The following SYNJ2 variants were observed in gnomAD, a reference collection of about 807,000 sequenced individuals.
SYNJ2 encodes the protein synaptojanin 2.
SYNJ2 carries 116 observed loss-of-function variants against 141.3 expected under a neutral mutation model. The observed-to-expected ratio is 0.82, with a 90% CI of 0.71 to 0.96. The LOEUF (loss-of-function observed/expected upper bound fraction) is 0.96, where lower values mean the gene tolerates loss of function less well. SYNJ2 is among the 40% of genes least tolerant of loss of function. The pLI, the probability that SYNJ2 is intolerant of heterozygous loss-of-function variation, is 0.00. For synonymous variants in SYNJ2, 745 were observed against 777.7 expected (o/e 0.96, Z 0.70); for missense variants, 1,873 against 1,934.8 (o/e 0.97, Z 0.60).
At chr6:158,064,784 C>T (rs2128366660) in intron 10 of SYNJ2, 34 bp downstream of exon 10, 2 of 1,611,476 alleles carry the variant, frequency 1.2e-6, no homozygotes, top group East Asian at 4.5e-5. Flanking sequence ...GGTGGGGGCC[C>T]CAGGGACCCC....
chr6:158,076,228 G>A (rs1364265480), intron 16 of SYNJ2, among the ~76,000 whole-genome samples: 1 of 152,102 alleles, frequency 6.6e-6, no homozygotes, highest in Non-Finnish European at 1.5e-5. Context: ...GCGCTTCTAT[G>A]TACTTAGCTC....
At chr6:158,083,282 C>T (rs1035902478) in intron 20 of SYNJ2, 147 bp from the exon 21 acceptor site, 14 of 901,424 alleles carry the variant, frequency 1.6e-5, no homozygotes, top group Non-Finnish European at 2.3e-5. Context: ...GCTGAGCCTG[C>T]GTGAGGTCTG....
intron 2 of SYNJ2, chr6:158,028,549 G>A: frequency 1.6e-6 from 1 of 632,846 alleles, no homozygotes; most frequent in Non-Finnish European, 2.7e-6. Flanking sequence ...GCTGGCCAGG[G>A]TCCCACACTT....
In SYNJ2 at chr6:158,078,221, C is replaced by G; in HGVS notation, c.2507C>G (p.Thr836Ser). The G allele has an allele frequency of 6.2e-7, 1 of 1,614,110 alleles. No homozygotes were observed. The highest frequency in any genetic ancestry group is 8.5e-7 in the Non-Finnish European group (1 of 1,180,000). Residue 836 changes from threonine (T) to serine (S), a missense_variant, in exon 18 of 27, where the codon ACC becomes AGC. Coordinates refer to ENST00000355585, the MANE Select transcript of SYNJ2 (RefSeq NM_003898.4). Reference sequence around the variant, plus strand: ...GATGTTGACACCAAAGTCAGACACACCTGGTCTCCTGGTGCCCTGCAGTAT... The same window carrying G: ...GATGTTGACACCAAAGTCAGACACAGCTGGTCTCCTGGTGCCCTGCAGTAT... ...DLDVDTKVRH[T>S]WSPGALQYYG...
intron 23 of SYNJ2, among the ~76,000 whole-genome samples, chr6:158,087,875 C>CTT (rs749329722): frequency 0.13 from 12,686 of 94,266 alleles, 1,012 homozygotes; most frequent in African/African-American, 0.21. Flanking sequence ...CAACATACTT[C>CTT]TTTTTTTTTT....
chr6:158,084,319 G>A lies in SYNJ2; in HGVS notation c.3208+145G>A. 1.1e-6 allele frequency: 1 copy of A among 869,670 alleles called. No homozygotes were observed. The highest frequency in any genetic ancestry group is 1.7e-6 in the Non-Finnish European group (1 of 574,222). 53.9% of individuals were successfully genotyped at this position (869,670 alleles called of 1,614,324 possible). The stretch of plus-strand genomic sequence containing the variant: ...CCTCAACCAGGCAGGCCAAGCGAGG[G>A]GTAGGGACTGAGCCCTGTGGAGGTA... On this transcript the variant is annotated intron_variant, in intron 22 of 26. Coordinates refer to ENST00000355585, the MANE Select transcript of SYNJ2 (RefSeq NM_003898.4). The surrounding 1 kb of genome is among the most constrained non-coding windows in gnomAD (Gnocchi z 5.0).
At chr6:158,063,623 C>T (rs1398543826) in intron 8 of SYNJ2, among the ~76,000 whole-genome samples, 168 bp from the exon 9 acceptor site, 1 of 132,444 alleles carries the variant, frequency 7.6e-6, no homozygotes, top group Non-Finnish European at 1.5e-5. Flanking sequence ...CATGCCATTG[C>T]ACTCCAGCTT....
Position 158,028,899 on chromosome 6 carries a change from T to A in SYNJ2, c.358T>A (p.Leu120Met). The A allele has an allele frequency of 6.2e-7, 1 of 1,614,184 alleles. No homozygotes were observed. The change falls in exon 3 of 27, where the codon TTG becomes ATG. Residue 120 changes from leucine to methionine, a missense_variant. Transcript: ENST00000355585. Reference sequence around the variant, plus strand: ...CAAGGAGGAGGAACGCCTCATAGCTTTGAAGAAAATCCTCAGCTCGGGGGT... The same window carrying A: ...CAAGGAGGAGGAACGCCTCATAGCTATGAAGAAAATCCTCAGCTCGGGGGT... ...EAKEEERLIA[L>M]KKILSSGVFY...
chr6:158,017,416 T>C (rs1273023478), intron 2 of SYNJ2, 126 bp downstream of exon 2: 44 of 1,300,088 alleles, frequency 3.4e-5, no homozygotes, highest in Non-Finnish European at 4.2e-5. Context: ...TTTTTTTTTT[T>C]TTTTTTTTTT....
chr6:158,033,899 C>T (rs1779505739), intron 4 of SYNJ2, among the ~76,000 whole-genome samples: 1 of 152,200 alleles, frequency 6.6e-6, no homozygotes, highest in Non-Finnish European at 1.5e-5. Flanking sequence ...ACATCTCATG[C>T]AGGGAAAATG....
rs929944272 is a variant in SYNJ2 at position 157,982,295 on chromosome 6, G to C, written c.127+207G>C. 3.9e-5 allele frequency among the ~76,000 whole-genome samples: 6 copies of C among 152,192 alleles called. No homozygotes were observed. Among genetic ancestry groups the C allele is most frequent in the Non-Finnish European group, 8.8e-5 (6 of 68,018 alleles). ...ACTCTGGCTGGGCCGGTGGCGCACG[G>C]AGGCCGGCCGCCCCTCCACGGGGAT... On this transcript the variant is annotated intron_variant, in intron 1 of 26. Transcript: ENST00000355585. This position sits in a 1 kb window ranked among gnomAD's most constrained non-coding sequence, Gnocchi z 4.0.
At chr6:158,041,929 G>A (rs1309063342) in intron 4 of SYNJ2, among the ~76,000 whole-genome samples, 1 of 152,212 alleles carries the variant, frequency 6.6e-6, no homozygotes, top group Admixed American at 6.5e-5. Context: ...TACCCAGGCT[G>A]GTCTCGAACT....
Position 158,097,907 on chromosome 6 carries a change from T to C in SYNJ2, c.*1543T>C, listed in dbSNP as rs1047598979. 6 of 151,084 alleles carry C rather than the reference T, an allele frequency of 4.0e-5. No homozygotes were observed. Among genetic ancestry groups the C allele is most frequent in the African/African-American group, 1.2e-4 (5 of 41,090 alleles). The allele number at this position is 151,084 out of a possible 1,614,324, so 9.4% of individuals were successfully genotyped here. On this transcript the variant is annotated 3_prime_UTR_variant, in exon 27 of 27. Coordinates refer to ENST00000355585, the MANE Select transcript of SYNJ2 (RefSeq NM_003898.4). ...GATAAGATGCATAGTTGACCAGTCA[T>C]AAAAGGCGGTGTTTAGGTGATCAGG...
intron 8 of SYNJ2, among the ~76,000 whole-genome samples, chr6:158,063,160 C>T (rs1000796059): frequency 1.3e-5 from 2 of 152,150 alleles, no homozygotes; most frequent in East Asian, 3.8e-4. Flanking sequence ...CCCCTAGGAG[C>T]GATGGTTCTG....
At position 158,070,233 on chromosome 6, in the gene SYNJ2, T is replaced by C; in HGVS notation, c.1940+560T>C. ...TTTCCCCAGCTTGTGGTTGGCCTCATCTTACCACCTGGGCCTACCCATGGC... is the reference window on the plus strand; with the variant it reads ...TTTCCCCAGCTTGTGGTTGGCCTCACCTTACCACCTGGGCCTACCCATGGC... On this transcript the variant is annotated intron_variant, in intron 14 of 26. Coordinates refer to ENST00000355585, the MANE Select transcript of SYNJ2 (RefSeq NM_003898.4). This position sits in a 1 kb window ranked among gnomAD's most constrained non-coding sequence, Gnocchi z 4.0. 1.0e-6 allele frequency: 1 copy of C among 985,450 alleles called. No homozygotes were observed. Among genetic ancestry groups the C allele is most frequent in the Non-Finnish European group, 1.2e-6 (1 of 830,008 alleles). 61.0% of individuals were successfully genotyped at this position (985,450 alleles called of 1,614,324 possible).
rs534120042 is a variant in SYNJ2, at chr6:158,091,544, C to A, written c.3566-1382C>A. Among the ~76,000 whole-genome samples the A allele has an allele frequency of 6.6e-5, 10 of 151,538 alleles. No individual in the cohort carries two copies. In the South Asian group the frequency reaches 2.1e-3, roughly 32 times the overall value. ...CAGGCGGATCACGAGGTTAGGAGAT[C>A]GAGACCATCCTGGCTAACACAGTGA... On this transcript the variant is annotated intron_variant, in intron 25 of 26. Transcript: ENST00000355585.
intron 1 of SYNJ2, among the ~76,000 whole-genome samples, chr6:158,005,212 G>A (rs1204633568): frequency 6.6e-6 from 1 of 151,860 alleles, no homozygotes; most frequent in Non-Finnish European, 1.5e-5. Context: ...CTAGTAGCTG[G>A]GACTACAGGT....
In SYNJ2 at chr6:158,098,518, C is replaced by T. The variant is rs1439808967; in HGVS notation, c.*2154C>T. ...TTTGGAGTTGGTAGTAGGTATGGTT[C>T]TCATACCAGAATTCTCTTAAAAAAA... On this transcript the variant is annotated 3_prime_UTR_variant, in exon 27 of 27. Transcript: ENST00000355585. 6.7e-6 allele frequency: 1 copy of T among 149,384 alleles called. No individual in the cohort carries two copies. The highest frequency in any genetic ancestry group is 2.5e-5 in the African/African-American group (1 of 40,414). The allele number at this position is 149,384 out of a possible 1,614,324, so 9.3% of individuals were successfully genotyped here. A position where few individuals can be genotyped will look rare whatever the true frequency, so the allele number is the denominator to read the frequency against.
intron 1 of SYNJ2, among the ~76,000 whole-genome samples, chr6:157,991,209 G>A (rs1191241463): frequency 2.6e-5 from 4 of 152,306 alleles, no homozygotes; most frequent in South Asian, 2.1e-4. Context: ...TGGTGAGTGC[G>A]TTGTGACCAG....
Sources: allele counts gnomAD v4.1 joint callset (sites outside exome capture counted in the v4.1 genomes callset), GRCh38; gene constraint gnomAD v4.1.1; non-coding constraint Gnocchi (gnomAD v3.1); transcripts MANE v1.5; gene names NCBI Gene and HGNC (gene_info 2026-07-23, HGNC 2026-07-21).